The following SCN7A variants were observed in gnomAD, a reference collection of about 807,000 sequenced individuals.
SCN7A encodes the protein sodium channel protein type 7 subunit alpha.
A neutral mutation model predicts 155.2 loss-of-function variants in SCN7A; 138 were observed. That is an observed-to-expected ratio of 0.89 (90% CI 0.77 to 1.02). The LOEUF (loss-of-function observed/expected upper bound fraction) is 1.02. Ranked by LOEUF, SCN7A falls within the 50% of genes least tolerant of loss-of-function variation. SCN7A has a pLI of 0.00. For missense variants in SCN7A, 2,058 were observed against 1,986.6 expected (o/e 1.04, Z -0.68); for synonymous variants, 693 against 649.0 (o/e 1.07, Z -1.03).
chr2:166,467,046 C>T (rs1702549595), intron 7 of SCN7A, among the ~76,000 whole-genome samples: 3 of 151,638 alleles, frequency 2.0e-5, no homozygotes. Context: ...CTCCTTTTAC[C>T]ACTTAGAATT....
intron 1 of SCN7A, among the ~76,000 whole-genome samples, chr2:166,487,389 C>T (rs1703077096): frequency 6.6e-6 from 1 of 151,996 alleles, no homozygotes. Context: ...TGCCAGAAGT[C>T]AGTATTTTTC....
chr2:166,409,074 C>T (rs909940632), intron 25 of SCN7A, among the ~76,000 whole-genome samples: 1 of 151,938 alleles, frequency 6.6e-6, no homozygotes, highest in African/African-American at 2.4e-5. Flanking sequence ...TATCTATATC[C>T]TTTAATAGAC....
At chr2:166,417,964 A>G (rs1347799745) in intron 20 of SCN7A, among the ~76,000 whole-genome samples, 2 of 151,688 alleles carry the variant, frequency 1.3e-5, no homozygotes, top group Admixed American at 6.6e-5. Context: ...TATTTCCTCA[A>G]CTGACTTCAC....
At position 166,472,344 on chromosome 2, in the gene SCN7A, C is replaced by A; in HGVS notation, c.545G>T (p.Trp182Leu). Residue 182 changes from tryptophan to leucine, a missense_variant, in exon 6 of 26, where the codon TGG (tryptophan) becomes TTG (leucine). Transcript: ENST00000643258. ...AAACACAGTTACGCTGAAATCGAGCCAGTTCCATGGATCACCGAGGAAGGA... is the reference window on the plus strand; with the variant it reads ...AAACACAGTTACGCTGAAATCGAGCAAGTTCCATGGATCACCGAGGAAGGA... Reference protein sequence around the residue: ...SFSFLGDPWNWLDFSVTVFEV... With the variant: ...SFSFLGDPWNLLDFSVTVFEV... The A allele has an allele frequency of 6.2e-7, 1 of 1,608,214 alleles. No individual in the cohort carries two copies. Among genetic ancestry groups the A allele is most frequent in the Non-Finnish European group, 8.5e-7 (1 of 1,176,634 alleles).
At chr2:166,465,164 G>C (rs1575052202) in intron 9 of SCN7A, among the ~76,000 whole-genome samples, 1 of 152,236 alleles carries the variant, frequency 6.6e-6, no homozygotes, top group South Asian at 2.1e-4. Flanking sequence ...CAGCAAAAAG[G>C]TACCATCTAT....
rs1356247367 is a variant in SCN7A, at chr2:166,465,717, G to GCTTCCCA, written c.871+63_871+64insTGGGAAG. The GCTTCCCA allele has an allele frequency of 1.4e-4, 210 of 1,527,958 alleles. 2 individuals are homozygous for GCTTCCCA. In the East Asian group the frequency reaches 4.7e-3, roughly 34 times the overall value. The allele number at this position is 1,527,958 out of a possible 1,614,324, so 94.7% of individuals were successfully genotyped here. A position where few individuals can be genotyped will look rare whatever the true frequency, so the allele number is the denominator to read the frequency against. On this transcript the variant is annotated intron_variant, in intron 8 of 25. Coordinates refer to ENST00000643258, the MANE Select transcript of SCN7A (RefSeq NM_002976.4). ...AAATGTTGAGTGTTCAACATTTCTG[G>GCTTCCCA]GAAGACTGCTTTGCCTTTAACGAAA...
chr2:166,467,243 A>G (rs1352069778), intron 7 of SCN7A, among the ~76,000 whole-genome samples: 1 of 151,890 alleles, frequency 6.6e-6, no homozygotes, highest in Non-Finnish European at 1.5e-5. Flanking sequence ...ATTTTGAAAT[A>G]TTGTTGGCAG....
intron 10 of SCN7A, among the ~76,000 whole-genome samples, chr2:166,459,491 G>C (rs967293841): frequency 2.0e-5 from 3 of 152,054 alleles, no homozygotes; most frequent in Non-Finnish European, 4.4e-5. Flanking sequence ...TGTACCCACA[G>C]TATATCAGAA....
chr2:166,458,426 C>T (rs1017018793), intron 10 of SCN7A, among the ~76,000 whole-genome samples: 19 of 151,738 alleles, frequency 1.3e-4, no homozygotes, highest in African/African-American at 3.9e-4. Context: ...CAACCAACCA[C>T]GCATCAAAAC....
In SCN7A at chr2:166,434,277, T is replaced by C. The variant is rs75845724; in HGVS notation, c.2158-1525A>G. ...ATACAGAAGGTTCAAATAAAACTTG[T>C]ATAGAAAAATCAAAGTATTTTTCAG... On this transcript the variant is annotated intron_variant, in intron 15 of 25. Transcript: ENST00000643258. Among the ~76,000 whole-genome samples the C allele has an allele frequency of 7.5e-3, 1,135 of 152,258 alleles. 13 individuals are homozygous for C. The highest frequency in any genetic ancestry group is 0.026 in the African/African-American group (1,101 of 41,554).
chr2:166,455,602 C>T (rs1409819716), intron 11 of SCN7A, among the ~76,000 whole-genome samples: 1 of 152,128 alleles, frequency 6.6e-6, no homozygotes, highest in South Asian at 2.1e-4. Flanking sequence ...GTACCAAACG[C>T]TACCTGGGTG....
intron 20 of SCN7A, among the ~76,000 whole-genome samples, chr2:166,417,568 T>A (rs1374751048): frequency 6.8e-6 from 1 of 147,528 alleles, no homozygotes; most frequent in Non-Finnish European, 1.5e-5. Flanking sequence ...GTACAAATAC[T>A]AGAATAAATA....
intron 1 of SCN7A, among the ~76,000 whole-genome samples, chr2:166,490,779 T>C (rs1057342878): frequency 6.6e-6 from 1 of 152,184 alleles, no homozygotes; most frequent in Non-Finnish European, 1.5e-5. Context: ...TGTCTGTCTG[T>C]TTTTCCAGGA....
At chr2:166,465,258 T>C (rs994160933) in intron 9 of SCN7A, among the ~76,000 whole-genome samples, 1 of 152,196 alleles carries the variant, frequency 6.6e-6, no homozygotes, top group African/African-American at 2.4e-5. Flanking sequence ...CTGTGAGTAA[T>C]ACACTTCTGT....
At chr2:166,454,663 G>A (rs1057441339) in intron 11 of SCN7A, among the ~76,000 whole-genome samples, 2 of 151,996 alleles carry the variant, frequency 1.3e-5, no homozygotes, top group African/African-American at 4.8e-5. Flanking sequence ...AGAGGGCTCC[G>A]GGTATGGCTT....
intron 10 of SCN7A, among the ~76,000 whole-genome samples, chr2:166,459,670 T>C (rs753137378): frequency 1.1e-4 from 17 of 152,160 alleles, no homozygotes; most frequent in Non-Finnish European, 7.3e-5. Context: ...TCTATCTATA[T>C]TAGTCAGTAA....
chr2:166,436,548 C>CAGAG (rs1289270536), intron 15 of SCN7A: 4 of 204,294 alleles, frequency 2.0e-5, no homozygotes, highest in Non-Finnish European at 3.2e-5. Context: ...ATTGATACTG[C>CAGAG]AGAGAATGGG....
At chr2:166,436,442 T>A in intron 15 of SCN7A, 1 of 420,598 alleles carries the variant, frequency 2.4e-6, no homozygotes, top group Non-Finnish European at 4.7e-6. Flanking sequence ...TCCCAAGCCC[T>A]GTGGAACCGT....
At chr2:166,413,264 A>C in intron 21 of SCN7A, 143 bp from the exon 22 acceptor site, 1 of 443,272 alleles carries the variant, frequency 2.3e-6, no homozygotes, top group South Asian at 6.5e-5. Context: ...TAACATTTTC[A>C]TTATTATATT....
Sources: allele counts gnomAD v4.1 joint callset (sites outside exome capture counted in the v4.1 genomes callset), GRCh38; gene constraint gnomAD v4.1.1; transcripts MANE v1.5; gene names NCBI Gene and HGNC (gene_info 2026-07-23, HGNC 2026-07-21).